The following PCDHGB6 variants were observed in gnomAD, a reference collection of about 807,000 sequenced individuals.
PCDHGB6 encodes the protein protocadherin gamma subfamily B, 6.
In PCDHGB6, 51 loss-of-function variants were observed where a neutral mutation model predicts 59.1. The observed-to-expected ratio is 0.86, with a 90% CI of 0.69 to 1.09. PCDHGB6 has a LOEUF of 1.09. Ranked by LOEUF, PCDHGB6 falls within the 50% of genes least tolerant of loss-of-function variation. The pLI is 0.00. For synonymous variants in PCDHGB6, 466 were observed against 495.1 expected (o/e 0.94, Z 0.78); for missense variants, 1,148 against 1,205.1 (o/e 0.95, Z 0.70).
At position 141,431,590 on chromosome 5, in the gene PCDHGB6, G is replaced by A; in HGVS notation, c.2418+20970G>A. On this transcript the variant is annotated intron_variant, in intron 1 of 3. Transcript: ENST00000520790. The surrounding 1 kb of genome is among the most constrained non-coding windows in gnomAD (Gnocchi z 4.8). ...CTGACGAAGGAGTCAATGCGGAAGT[G>A]AGGTATTCCTTCCGGTATGTGGACG... 1.2e-6 allele frequency: 2 copies of A among 1,614,240 alleles called. No homozygotes were observed. Among genetic ancestry groups the A allele is most frequent in the South Asian group, 1.1e-5 (1 of 91,090 alleles).
At chr5:141,415,754 T>TTTG (rs2095935149) in intron 1 of PCDHGB6, 3 of 1,385,710 alleles carry the variant, frequency 2.2e-6, no homozygotes, top group African/African-American at 1.5e-5. Context: ...TTTTTTTTTT[T>TTTG]TTTTTTTTTT....
At chr5:141,499,115 C>T (rs940275925) in intron 2 of PCDHGB6, among the ~76,000 whole-genome samples, 16 of 152,124 alleles carry the variant, frequency 1.1e-4, no homozygotes, top group African/African-American at 3.9e-4. Context: ...CACCACTATC[C>T]CTTCTCAGGT....
At chr5:141,423,025 G>A in intron 1 of PCDHGB6, 1 of 1,614,222 alleles carries the variant, frequency 6.2e-7, no homozygotes, top group Non-Finnish European at 8.5e-7. Context: ...CAAAGATTCA[G>A]GCCAGAACGC....
intron 1 of PCDHGB6, among the ~76,000 whole-genome samples, chr5:141,425,040 A>G (rs2096853898): frequency 6.6e-6 from 1 of 152,182 alleles, no homozygotes; most frequent in South Asian, 2.1e-4. Flanking sequence ...TTAGTTGTAA[A>G]CTGACTATCT....
At chr5:141,461,507 T>C (rs1271911872) in intron 1 of PCDHGB6, among the ~76,000 whole-genome samples, 1 of 152,316 alleles carries the variant, frequency 6.6e-6, no homozygotes, top group East Asian at 1.9e-4. Context: ...TTCTTGGTGA[T>C]TTGTTAGTTC....
At chr5:141,502,781 C>G (rs1360359268) in intron 2 of PCDHGB6, among the ~76,000 whole-genome samples, 2 of 151,658 alleles carry the variant, frequency 1.3e-5, no homozygotes, top group Non-Finnish European at 2.9e-5. Flanking sequence ...TGAAAATTAC[C>G]TGGATGATTT....
Position 141,487,315 on chromosome 5 carries a change from G to C in PCDHGB6, c.2419-7492G>C, listed in dbSNP as rs568326280. On this transcript the variant is annotated intron_variant, in intron 1 of 3. Transcript: ENST00000520790. The surrounding 1 kb of genome is among the most constrained non-coding windows in gnomAD (Gnocchi z 5.0). ...GCTCATTCGTGGCACTACTCTCTAA[G>C]TGTCTTCGTGGGGCAGCCTGTGGAG... 6.2e-7 allele frequency: 1 copy of C among 1,614,166 alleles called. No individual in the cohort carries two copies. Among genetic ancestry groups the C allele is most frequent in the Admixed American group, 1.7e-5 (1 of 60,028 alleles).
intron 1 of PCDHGB6, chr5:141,413,717 A>C: frequency 6.2e-7 from 1 of 1,613,382 alleles, no homozygotes; most frequent in Non-Finnish European, 8.5e-7. Flanking sequence ...CCCAATAAGC[A>C]CTTCTCCCTA....
intron 1 of PCDHGB6, chr5:141,413,388 C>G (rs765673305): frequency 6.2e-7 from 1 of 1,613,894 alleles, no homozygotes; most frequent in African/African-American, 1.3e-5. Context: ...TCCGCATAGT[C>G]TCCAGAGGTA....
intron 1 of PCDHGB6, chr5:141,468,381 G>A (rs1297428363): frequency 2.0e-5 from 3 of 149,754 alleles, no homozygotes; most frequent in South Asian, 2.1e-4. Flanking sequence ...AGCCATACAA[G>A]GCTACCCATT....
chr5:141,440,931 C>G (rs2098213287), intron 1 of PCDHGB6: 1 of 152,186 alleles, frequency 6.6e-6, no homozygotes, highest in Non-Finnish European at 1.5e-5. Context: ...GTGAGGGCCA[C>G]CAACCAGGAC....
At chr5:141,492,859 C>G (rs966216924) in intron 1 of PCDHGB6, among the ~76,000 whole-genome samples, 1 of 152,232 alleles carries the variant, frequency 6.6e-6, no homozygotes, top group Non-Finnish European at 1.5e-5. Context: ...CTCGAGCGCC[C>G]TGGCTCTCAA....
intron 1 of PCDHGB6, chr5:141,413,151 T>G (rs1192899612): frequency 6.4e-7 from 1 of 1,573,560 alleles, no homozygotes; most frequent in Non-Finnish European, 8.6e-7. Context: ...GTGAGGACTT[T>G]GCAGAATTCT....
Position 141,418,952 on chromosome 5 carries a change from G to C in PCDHGB6, c.2418+8332G>C, listed in dbSNP as rs1377467334. On this transcript the variant is annotated intron_variant, in intron 1 of 3. Coordinates refer to ENST00000520790, the MANE Select transcript of PCDHGB6 (RefSeq NM_018926.3). ...TATGGAGGATTCCCCTCCAGGAGTG[G>C]TTGTTGCCCTCTTCAAAACACGGGA... 4.3e-6 allele frequency: 7 copies of C among 1,613,932 alleles called. No individual in the cohort carries two copies. Among genetic ancestry groups the C allele is most frequent in the Non-Finnish European group, 5.9e-6 (7 of 1,179,908 alleles).
intron 3 of PCDHGB6, among the ~76,000 whole-genome samples, chr5:141,508,986 G>C (rs1298630784): frequency 2.0e-5 from 3 of 152,148 alleles, no homozygotes; most frequent in Non-Finnish European, 4.4e-5. Context: ...GTGGGGGCCA[G>C]CTGGGGTAGG....
In PCDHGB6 at chr5:141,408,368, C is replaced by T; in HGVS notation, c.166C>T (p.Leu56Phe). The change falls in exon 1 of 4, where the codon CTC becomes TTC. Residue 56 changes from leucine to phenylalanine, a missense_variant. Transcript: ENST00000520790. ...VVGNLAKDLG[L>F]SVLDVSARKL... ...GGGGAACCTCGCTAAGGATCTAGGG[C>T]TCAGTGTCCTGGATGTGTCGGCTCG... The T allele has an allele frequency of 3.1e-6, 5 of 1,613,992 alleles. No individual in the cohort carries two copies. Among genetic ancestry groups the T allele is most frequent in the Non-Finnish European group, 4.2e-6 (5 of 1,179,854 alleles).
chr5:141,428,891 G>A (rs1382228334), intron 1 of PCDHGB6: 3 of 149,832 alleles, frequency 2.0e-5, no homozygotes, highest in East Asian at 3.9e-4. Flanking sequence ...GTCTCGCTCT[G>A]TGGTCCAGGC....
intron 1 of PCDHGB6, chr5:141,478,642 T>C (rs777741719): frequency 6.4e-7 from 1 of 1,552,350 alleles, no homozygotes; most frequent in Non-Finnish European, 8.7e-7. Context: ...GTGATGAAGA[T>C]GTTTTCCTGG....
chr5:141,464,419 A>C (rs2099083824), intron 1 of PCDHGB6, among the ~76,000 whole-genome samples: 1 of 151,658 alleles, frequency 6.6e-6, no homozygotes, highest in Non-Finnish European at 1.5e-5. Flanking sequence ...ATATATCTAT[A>C]TATATAGATA....
Sources: gnomAD v4.1 joint callset for allele counts (sites outside exome capture counted in the v4.1 genomes callset) on GRCh38, gnomAD v4.1.1 for gene constraint, Gnocchi (gnomAD v3.1) non-coding constraint, MANE v1.5 for transcripts, NCBI Gene and HGNC (gene_info 2026-07-23, HGNC 2026-07-21) for gene names.